Variants in WDR70 observed in about 807,000 individuals in gnomAD.
The protein encoded by WDR70 is WD repeat-containing protein 70.
In WDR70, 53 loss-of-function variants were observed where a neutral mutation model predicts 88.6. That is an observed-to-expected ratio of 0.60 (90% CI 0.48 to 0.75). The LOEUF is 0.75. WDR70 is among the 30% of genes least tolerant of loss of function. WDR70 has a pLI of 0.00. For synonymous variants in WDR70, 280 were observed against 270.0 expected (o/e 1.04, Z -0.36); for missense variants, 610 against 823.2 (o/e 0.74, Z 3.17).
Position 37,649,733 on chromosome 5 carries a change from C to CTTTTTTTTTTTTTTTTTTTTTT in WDR70, c.1092+44496_1092+44517dup, listed in dbSNP as rs70978834. Among the ~76,000 whole-genome samples the CTTTTTTTTTTTTTTTTTTTTTT allele has an allele frequency of 7.3e-5, 5 of 68,740 alleles. 1 individual carries two copies. Among genetic ancestry groups the CTTTTTTTTTTTTTTTTTTTTTT allele is most frequent in the African/African-American group, 3.2e-4 (5 of 15,616 alleles). The allele number at this position is 68,740 out of a possible 152,430, so 45.1% of individuals were successfully genotyped here. On this transcript the variant is annotated intron_variant, in intron 10 of 17. Coordinates refer to ENST00000265107, the MANE Select transcript of WDR70 (RefSeq NM_018034.4). ...ATATACATTCACGATGTTATTACTTCTTTTTTTTTTTTTTTTTTTTTTGAG... is the reference window on the plus strand; with the variant it reads ...ATATACATTCACGATGTTATTACTTCTTTTTTTTTTTTTTTTTTTTTTTTTTTTTTTTTTTTTTTTTTTTGAG...
At chr5:37,628,696 G>C (rs1417391772) in intron 10 of WDR70, among the ~76,000 whole-genome samples, 1 of 152,150 alleles carries the variant, frequency 6.6e-6, no homozygotes, top group Non-Finnish European at 1.5e-5. Flanking sequence ...TTACATTCAA[G>C]ATTATTGATA....
chr5:37,438,587 G>A (rs1325982003), intron 6 of WDR70, among the ~76,000 whole-genome samples: 2 of 151,972 alleles, frequency 1.3e-5, no homozygotes, highest in Admixed American at 1.3e-4. Context: ...ACATTCATAT[G>A]AAATGAAAAA....
chr5:37,426,953 T>G (rs2056869), intron 5 of WDR70, among the ~76,000 whole-genome samples: 13,968 of 152,098 alleles, frequency 0.092, 2,093 homozygotes, highest in African/African-American at 0.31. Flanking sequence ...TTTTTAAATT[T>G]TTTTTAGAGA....
At chr5:37,558,486 T>TA (rs1017230523) in intron 9 of WDR70, among the ~76,000 whole-genome samples, 4 of 151,070 alleles carry the variant, frequency 2.6e-5, no homozygotes, top group Non-Finnish European at 4.4e-5. Flanking sequence ...CCTGGTTAAT[T>TA]AAAAAAAAAT....
intron 5 of WDR70, among the ~76,000 whole-genome samples, chr5:37,418,849 C>T (rs1020351935): frequency 4.6e-5 from 7 of 151,882 alleles, no homozygotes; most frequent in African/African-American, 1.7e-4. Flanking sequence ...CTGCAACCTC[C>T]GCCTCCTAGG....
At chr5:37,600,070 A>C (rs74497976) in intron 9 of WDR70, among the ~76,000 whole-genome samples, 7,336 of 152,184 alleles carry the variant, frequency 0.048, 579 homozygotes, top group African/African-American at 0.16. Flanking sequence ...ACAAATGATG[A>C]AAGAGGGAAA....
At chr5:37,624,263 C>G (rs1412692123) in intron 10 of WDR70, among the ~76,000 whole-genome samples, 1 of 152,104 alleles carries the variant, frequency 6.6e-6, no homozygotes, top group Non-Finnish European at 1.5e-5. Flanking sequence ...TCTATGAGAT[C>G]AACTGTTTTT....
intron 9 of WDR70, among the ~76,000 whole-genome samples, chr5:37,561,566 A>T (rs1357896970): frequency 6.6e-6 from 1 of 152,218 alleles, no homozygotes; most frequent in Admixed American, 6.5e-5. Flanking sequence ...GGAAGAATTC[A>T]TTTGTGGCAG....
At chr5:37,658,998 C>T (rs1022044819) in intron 10 of WDR70, among the ~76,000 whole-genome samples, 4 of 152,168 alleles carry the variant, frequency 2.6e-5, no homozygotes, top group African/African-American at 9.6e-5. Context: ...CCCTGATCTC[C>T]ATACTAGAAG....
chr5:37,726,289 T>C (rs114160192), intron 16 of WDR70, among the ~76,000 whole-genome samples: 180 of 152,296 alleles, frequency 1.2e-3, no homozygotes, highest in African/African-American at 4.2e-3. Flanking sequence ...TTTTCATATG[T>C]TTATTTTATC....
rs990251922 is a variant in WDR70, at chr5:37,419,496, G to A, written c.493-18426G>A. 1.5e-4 allele frequency among the ~76,000 whole-genome samples: 23 copies of A among 150,740 alleles called. 1 individual carries two copies. The East Asian group carries it at 1.6e-3, about 11-fold the overall frequency. ...TGGGATTACAGGTGTGAGCCACCGC[G>A]CCCAGCTGCTTTTCTTTTTTTAAAA... On this transcript the variant is annotated intron_variant, in intron 5 of 17. Coordinates refer to ENST00000265107, the MANE Select transcript of WDR70 (RefSeq NM_018034.4).
intron 9 of WDR70, among the ~76,000 whole-genome samples, chr5:37,573,281 C>T (rs1742960808): frequency 6.6e-6 from 1 of 152,132 alleles, no homozygotes; most frequent in Non-Finnish European, 1.5e-5. Flanking sequence ...TTTACTGGGT[C>T]ATTTCAATCA....
At chr5:37,572,061 C>T (rs1742920020) in intron 9 of WDR70, among the ~76,000 whole-genome samples, 1 of 152,108 alleles carries the variant, frequency 6.6e-6, no homozygotes, top group Non-Finnish European at 1.5e-5. Context: ...TCAGAAACTG[C>T]CCATAAATAA....
chr5:37,384,609 G>A (rs1748546123), intron 3 of WDR70, among the ~76,000 whole-genome samples: 1 of 132,366 alleles, frequency 7.6e-6, no homozygotes, highest in South Asian at 2.4e-4. Flanking sequence ...GCAGTGAGCC[G>A]AGATCTTGCC....
intron 13 of WDR70, among the ~76,000 whole-genome samples, 170 bp downstream of exon 13, chr5:37,703,257 C>T (rs910034638): frequency 5.9e-5 from 9 of 152,164 alleles, no homozygotes; most frequent in African/African-American, 1.7e-4. Context: ...GGCTGAGCTA[C>T]CCTATCCCTT....
intron 9 of WDR70, among the ~76,000 whole-genome samples, chr5:37,535,588 A>G (rs1272987695): frequency 6.6e-6 from 1 of 152,220 alleles, no homozygotes; most frequent in Non-Finnish European, 1.5e-5. Context: ...TGGAAGTACC[A>G]TAATATTATT....
chr5:37,627,764 A>G (rs994870042), intron 10 of WDR70, among the ~76,000 whole-genome samples: 3 of 151,892 alleles, frequency 2.0e-5, no homozygotes, highest in Non-Finnish European at 4.4e-5. Context: ...GTCTAGTTTT[A>G]TTTCATTGTG....
At chr5:37,430,591 C>T (rs980952922) in intron 5 of WDR70, among the ~76,000 whole-genome samples, 6 of 151,732 alleles carry the variant, frequency 4.0e-5, no homozygotes, top group Admixed American at 2.0e-4. Flanking sequence ...TACGGAGTCT[C>T]GCTCTGTTGC....
At chr5:37,499,587 TTCTC>T (rs72226896) in intron 8 of WDR70, among the ~76,000 whole-genome samples, 88 of 41,862 alleles carry the variant, frequency 2.1e-3, no homozygotes, top group African/African-American at 4.8e-3. Flanking sequence ...TTTGGAAATA[TTCTC>T]TCTCTCTCTC....
Sources: allele counts gnomAD v4.1 joint callset (sites outside exome capture counted in the v4.1 genomes callset), GRCh38; gene constraint gnomAD v4.1.1; transcripts MANE v1.5; gene names NCBI Gene and HGNC (gene_info 2026-07-23, HGNC 2026-07-21).